RAB11FIP3: variants seen among roughly 807,000 people sequenced by gnomAD.
RAB11FIP3 encodes the protein RAB11 family interacting protein 3.
Under a neutral mutation model 77.8 loss-of-function variants are expected in RAB11FIP3, and 17 were observed. The ratio of observed to expected loss-of-function variants is 0.22; its 90% CI spans 0.15 to 0.33. RAB11FIP3 has a LOEUF of 0.33. RAB11FIP3 is among the 10% of genes least tolerant of loss of function. The pLI is 1.00. For missense variants in RAB11FIP3, 1,005 were observed against 1,011.2 expected, an observed-to-expected ratio of 0.99 and a Z score of 0.08; for synonymous variants, 437 against 448.2, an observed-to-expected ratio of 0.98 and a Z score of 0.31.
chr16:459,585 C>T (rs1366584453), intron 1 of RAB11FIP3, among the ~76,000 whole-genome samples: 1 of 151,824 alleles, frequency 6.6e-6, no homozygotes, highest in Admixed American at 6.6e-5. Flanking sequence ...TACAGGCGAG[C>T]GCCACCACAC....
intron 1 of RAB11FIP3, among the ~76,000 whole-genome samples, chr16:453,168 G>A (rs1488274468): frequency 3.3e-5 from 5 of 151,178 alleles, no homozygotes; most frequent in South Asian, 2.1e-4. Context: ...TCCACCTCCC[G>A]GGTTCAAGTG....
Position 426,636 on chromosome 16 carries a change from G to A in RAB11FIP3, c.630G>A (p.Val210=). 1 of 1,588,502 alleles carries A rather than the reference G, an allele frequency of 6.3e-7. No individual in the cohort carries two copies. The highest frequency in any genetic ancestry group is 8.6e-7 in the Non-Finnish European group (1 of 1,168,588). Residue 210 remains valine, a synonymous_variant, in exon 1 of 14, where the codon GTG becomes GTA. Coordinates refer to ENST00000262305, the MANE Select transcript of RAB11FIP3 (RefSeq NM_014700.4). This position sits in a 1 kb window ranked among gnomAD's most constrained non-coding sequence, Gnocchi z 5.0. The part of the protein sequence containing the change: ...SQEDGPRLRA[V]FDALDGDGDG... ...AGGACGGCCCCCGCCTCCGAGCCGT[G>A]TTCGATGCCCTGGACGGGGATGGGG... is the stretch of plus-strand genomic sequence containing the variant.
chr16:491,563 G>T (rs964625265), intron 5 of RAB11FIP3, among the ~76,000 whole-genome samples: 5 of 152,258 alleles, frequency 3.3e-5, no homozygotes, highest in Admixed American at 6.5e-5. Flanking sequence ...TTTACTAAAA[G>T]ATTTCTTTCA....
intron 1 of RAB11FIP3, among the ~76,000 whole-genome samples, chr16:446,213 C>T (rs1281850063): frequency 6.6e-6 from 1 of 152,066 alleles, no homozygotes; most frequent in Non-Finnish European, 1.5e-5. Flanking sequence ...CTGTGACTAA[C>T]CACTGCACTC....
intron 9 of RAB11FIP3, among the ~76,000 whole-genome samples, chr16:513,847 G>C (rs2032291255): frequency 6.6e-6 from 1 of 152,208 alleles, no homozygotes; most frequent in African/African-American, 2.4e-5. Flanking sequence ...CCGTCTTCTG[G>C]GGAGCAAGGT....
intron 1 of RAB11FIP3, among the ~76,000 whole-genome samples, chr16:433,116 C>T (rs1216565814): frequency 2.7e-5 from 2 of 74,044 alleles, no homozygotes; most frequent in Non-Finnish European, 4.9e-5. Flanking sequence ...TCGCTGCAAG[C>T]TCTGCCTCCC....
At chr16:473,729 C>T (rs1369547148) in intron 3 of RAB11FIP3, among the ~76,000 whole-genome samples, 1 of 152,026 alleles carries the variant, frequency 6.6e-6, no homozygotes, top group African/African-American at 2.4e-5. Flanking sequence ...CGTGAGCCAC[C>T]GCACCCAGCC....
intron 1 of RAB11FIP3, among the ~76,000 whole-genome samples, chr16:446,853 T>C (rs1008046555): frequency 6.6e-6 from 1 of 151,952 alleles, no homozygotes; most frequent in Non-Finnish European, 1.5e-5. Flanking sequence ...GGCACATGCC[T>C]CCGTGCCCAG....
At chr16:488,379 C>CA (rs929222885) in intron 4 of RAB11FIP3, among the ~76,000 whole-genome samples, 13 of 148,686 alleles carry the variant, frequency 8.7e-5, no homozygotes, top group Admixed American at 2.7e-4. Flanking sequence ...GACTCTGTCT[C>CA]AAAAAAAAAG....
In RAB11FIP3 at chr16:483,307, A is replaced by G. The variant is rs551659775; in HGVS notation, c.1115+571A>G. ...AGCAAAAATTAAATTCTCAGCCTTC[A>G]GCCAACTGATGGACCCCCTCTCTCA... On this transcript the variant is annotated intron_variant, in intron 4 of 13. Transcript: ENST00000262305. Among the ~76,000 whole-genome samples, 12 of 152,318 alleles carry G rather than the reference A, an allele frequency of 7.9e-5. No homozygotes were observed. In the South Asian group the frequency reaches 2.3e-3, roughly 29 times the overall value.
chr16:428,073 C>T (rs2054980382), intron 1 of RAB11FIP3, among the ~76,000 whole-genome samples: 1 of 150,490 alleles, frequency 6.6e-6, no homozygotes. Flanking sequence ...TGCACTCCAG[C>T]CTGGGCGACA....
intron 6 of RAB11FIP3, among the ~76,000 whole-genome samples, chr16:501,881 T>TC (rs2031552386): frequency 7.1e-6 from 1 of 141,622 alleles, no homozygotes; most frequent in Admixed American, 7.3e-5. Context: ...TGGGAGATGG[T>TC]CCCCCCATTT....
At chr16:494,057 C>T (rs142759441) in intron 5 of RAB11FIP3, among the ~76,000 whole-genome samples, 31,826 of 71,716 alleles carry the variant, frequency 0.44, 7,214 homozygotes, top group African/African-American at 0.59. Flanking sequence ...GCGCCCATCA[C>T]CACACCTGGC....
chr16:447,533 C>T lies in RAB11FIP3; in HGVS notation c.715-13871C>T, dbSNP rs181676232. On this transcript the variant is annotated intron_variant, in intron 1 of 13. Transcript: ENST00000262305. ...GCGGTGGATCACGATGTCAGGAGAT[C>T]GAGACCATCCTGGCTAACACGGTGA... Among the ~76,000 whole-genome samples the T allele has an allele frequency of 1.1e-3, 168 of 151,990 alleles. 1 individual carries two copies. The highest frequency in any genetic ancestry group is 1.6e-4 in the Non-Finnish European group (11 of 67,958).
chr16:458,286 T>C (rs950177517), intron 1 of RAB11FIP3, among the ~76,000 whole-genome samples: 1 of 152,220 alleles, frequency 6.6e-6, no homozygotes, highest in Non-Finnish European at 1.5e-5. Context: ...CCCATCCTTT[T>C]CCTGAAACAG....
intron 3 of RAB11FIP3, 50 bp from the exon 4 acceptor site, chr16:482,475 A>C: frequency 6.4e-7 from 1 of 1,566,026 alleles, no homozygotes; most frequent in Non-Finnish European, 8.8e-7. Context: ...GGGCGTTCGC[A>C]GTTCCCCTCC....
intron 1 of RAB11FIP3, among the ~76,000 whole-genome samples, chr16:444,732 CCAAGCACTTTGGGAGA>C (rs2055282128): frequency 1.3e-5 from 2 of 152,026 alleles, no homozygotes; most frequent in South Asian, 4.1e-4. Flanking sequence ...TGCATGTAAT[CCAAGCACTTTGGGAGA>C]CCCAGGCAGG....
In RAB11FIP3 at chr16:519,811, CAGG is replaced by C. The variant is rs1364101552; in HGVS notation, c.1783_1785del (p.Glu595del). 1.2e-6 allele frequency: 2 copies of C among 1,608,128 alleles called. No individual in the cohort carries two copies. Among genetic ancestry groups the C allele is most frequent in the South Asian group, 1.1e-5 (1 of 89,920 alleles). On this transcript the variant is annotated inframe_deletion, in exon 11 of 14. Transcript: ENST00000262305. ...GCTGACGCTGCGGCTCAGTGAAGAG[CAGG>C]AGAACAAGAGGAGAATGGGGGACAG...
chr16:487,912 C>A (rs2056190369), intron 4 of RAB11FIP3, among the ~76,000 whole-genome samples: 1 of 152,124 alleles, frequency 6.6e-6, no homozygotes, highest in African/African-American at 2.4e-5. Flanking sequence ...GTGAGGACAG[C>A]AGCTCCCTAG....
Sources: gnomAD v4.1 joint callset for allele counts (sites outside exome capture counted in the v4.1 genomes callset) on GRCh38, gnomAD v4.1.1 for gene constraint, Gnocchi (gnomAD v3.1) non-coding constraint, MANE v1.5 for transcripts, NCBI Gene and HGNC (gene_info 2026-07-23, HGNC 2026-07-21) for gene names.